The following FRYL variants were observed in gnomAD, a reference collection of about 807,000 sequenced individuals.
FRYL encodes protein furry homolog-like.
A neutral mutation model predicts 351.2 loss-of-function variants in FRYL; 150 were observed. The ratio of observed to expected loss-of-function variants is 0.43; its 90% CI spans 0.37 to 0.49. The LOEUF is 0.49. Among genes scored for constraint, FRYL ranks in the 20% least tolerant of loss-of-function variants. The probability of loss-of-function intolerance (pLI) is 0.00; values close to 1 mark genes in which losing one functional copy is unlikely to be tolerated. For missense variants in FRYL, 3,036 were observed against 3,619.3 expected, an observed-to-expected ratio of 0.84 and a Z score of 4.13; for synonymous variants, 1,153 against 1,257.1, an observed-to-expected ratio of 0.92 and a Z score of 1.75.
intron 18 of FRYL, among the ~76,000 whole-genome samples, chr4:48,589,071 T>C (rs1742720018): frequency 1.3e-5 from 2 of 152,198 alleles, no homozygotes; most frequent in African/African-American, 4.8e-5. Flanking sequence ...AAATTGAGAT[T>C]AAATACCAAA....
At chr4:48,692,337 TG>T (rs1765751698) in intron 2 of FRYL, among the ~76,000 whole-genome samples, 1 of 152,130 alleles carries the variant, frequency 6.6e-6, no homozygotes, top group Admixed American at 6.5e-5. Context: ...CTCTCCTTTA[TG>T]ATTATTTCCT....
chr4:48,578,441 A>G (rs1372001878), intron 23 of FRYL, among the ~76,000 whole-genome samples: 1 of 152,210 alleles, frequency 6.6e-6, no homozygotes, highest in Non-Finnish European at 1.5e-5. Flanking sequence ...AAAACAAAAC[A>G]AAAACTAACT....
At chr4:48,545,753 CA>C (rs1369902086) in intron 42 of FRYL, among the ~76,000 whole-genome samples, 2 of 152,088 alleles carry the variant, frequency 1.3e-5, no homozygotes, top group Non-Finnish European at 2.9e-5. Context: ...TTGTGTCTTG[CA>C]AAGAGTAGAC....
chr4:48,568,579 T>C (rs1737393815), intron 27 of FRYL, among the ~76,000 whole-genome samples: 1 of 152,148 alleles, frequency 6.6e-6, no homozygotes, highest in South Asian at 2.1e-4. Flanking sequence ...AGGTAATTTT[T>C]TTTTTACTAG....
At chr4:48,688,465 C>G (rs1368359140) in intron 2 of FRYL, among the ~76,000 whole-genome samples, 1 of 152,076 alleles carries the variant, frequency 6.6e-6, no homozygotes, top group Non-Finnish European at 1.5e-5. Context: ...TTGTTTATAT[C>G]TGACTGGTAA....
At chr4:48,661,157 G>A (rs1760627261) in intron 3 of FRYL, among the ~76,000 whole-genome samples, 2 of 152,108 alleles carry the variant, frequency 1.3e-5, no homozygotes, top group African/African-American at 4.8e-5. Context: ...TACTATCCCT[G>A]CAACTTTTCT....
Position 48,561,477 on chromosome 4 carries a change from T to C in FRYL, c.3856A>G (p.Ile1286Val). ...AGTTCATTGATCATACCTGAGAATA[T>C]GGCGAGAGTTAGCTCAGGATACGCC... ...ARAYPELTLA[I>V]FSEISQRIQT... The change falls in exon 33 of 64, where the codon ATA becomes GTA. Residue 1286 changes from isoleucine to valine, a missense_variant. This residue lies in a region of FRYL where 1,987 missense variants were observed against 2,311.7 expected (regional missense o/e 0.86). Transcript: ENST00000358350. 1 of 1,591,024 alleles carries C rather than the reference T, an allele frequency of 6.3e-7. No homozygotes were observed. The highest frequency in any genetic ancestry group is 2.2e-5 in the East Asian group (1 of 44,590).
At chr4:48,707,845 G>T (rs1767538570) in intron 2 of FRYL, among the ~76,000 whole-genome samples, 2 of 150,678 alleles carry the variant, frequency 1.3e-5, no homozygotes, top group Non-Finnish European at 3.0e-5. Flanking sequence ...TTTTGAGATG[G>T]AGTCTTGCTC....
At chr4:48,592,082 T>TTTATATATATATATATATATATATATA (rs1553941949) in intron 16 of FRYL, among the ~76,000 whole-genome samples, 1 of 116,178 alleles carries the variant, frequency 8.6e-6, no homozygotes, top group African/African-American at 4.5e-5. Context: ...AATAAAGCTC[T>TTTATATATATATATATATATATATATA]TATATATATA....
chr4:48,638,839 A>G lies in FRYL; in HGVS notation c.-80-4349T>C, dbSNP rs561551973. On this transcript the variant is annotated intron_variant, in intron 3 of 63. Coordinates refer to ENST00000358350, the MANE Select transcript of FRYL (RefSeq NM_015030.2). ...GATGAGGCTGGAAAACATCATTCTC[A>G]GCAAACTAACACAAGAACAGAAAAC... 9.2e-5 allele frequency among the ~76,000 whole-genome samples: 14 copies of G among 152,254 alleles called. No individual in the cohort carries two copies. In the South Asian group the frequency reaches 2.3e-3, roughly 25 times the overall value.
chr4:48,578,931 C>G, intron 23 of FRYL, 42 bp downstream of exon 23: 1 of 1,496,516 alleles, frequency 6.7e-7, no homozygotes, highest in Non-Finnish European at 9.0e-7. Context: ...TGAAAGCTGA[C>G]AGTCTATACA....
intron 1 of FRYL, among the ~76,000 whole-genome samples, chr4:48,730,935 A>C (rs1233037297): frequency 2.6e-5 from 4 of 152,200 alleles, no homozygotes; most frequent in Admixed American, 2.6e-4. Context: ...AATTGGATAA[A>C]GAGTCAAGAC....
intron 1 of FRYL, among the ~76,000 whole-genome samples, chr4:48,737,816 T>C (rs1293575018): frequency 6.6e-6 from 1 of 152,178 alleles, no homozygotes; most frequent in Non-Finnish European, 1.5e-5. Flanking sequence ...TGGCTCAACA[T>C]TTAAAATCAT....
chr4:48,501,085 C>CA (rs35171463), intron 62 of FRYL, among the ~76,000 whole-genome samples: 17 of 75,318 alleles, frequency 2.3e-4, no homozygotes, highest in African/African-American at 7.0e-4. Context: ...GACTCTGCCT[C>CA]AAAAAAAAAA....
intron 2 of FRYL, among the ~76,000 whole-genome samples, chr4:48,709,900 T>C (rs1160593946): frequency 6.6e-5 from 10 of 152,220 alleles, no homozygotes; most frequent in Non-Finnish European, 1.2e-4. Flanking sequence ...TCTTAAACAG[T>C]AGGCATTGGT....
At chr4:48,524,007 ATATAAGT>A (rs1340577364) in intron 53 of FRYL, among the ~76,000 whole-genome samples, 1 of 152,194 alleles carries the variant, frequency 6.6e-6, no homozygotes, top group Non-Finnish European at 1.5e-5. Context: ...TTAAGGATTT[ATATAAGT>A]TATGTTTCTG....
At chr4:48,763,697 A>G (rs1054505885) in intron 1 of FRYL, among the ~76,000 whole-genome samples, 2 of 152,184 alleles carry the variant, frequency 1.3e-5, no homozygotes, top group Non-Finnish European at 2.9e-5. Context: ...TAAACACTGA[A>G]AAGCTTAAAG....
At chr4:48,776,152 C>A (rs1775997052) in intron 1 of FRYL, among the ~76,000 whole-genome samples, 3 of 140,728 alleles carry the variant, frequency 2.1e-5, no homozygotes, top group Admixed American at 1.4e-4. Context: ...CTTTTCGTTT[C>A]TTTTTTTTTT....
At chr4:48,651,365 TCTCACTATGTTGCCCAGG>T (rs1757675837) in intron 3 of FRYL, among the ~76,000 whole-genome samples, 1 of 148,428 alleles carries the variant, frequency 6.7e-6, no homozygotes, top group Non-Finnish European at 1.5e-5. Context: ...GATCTCAGGA[TCTCACTATGTTGCCCAGG>T]CTGGACTCAA....
Sources: allele counts gnomAD v4.1 joint callset (sites outside exome capture counted in the v4.1 genomes callset), GRCh38; gene constraint gnomAD v4.1.1; regional missense constraint gnomAD v4.1.1; transcripts MANE v1.5; gene names NCBI Gene and HGNC (gene_info 2026-07-23, HGNC 2026-07-21).